Variants in MAGI1 observed in about 807,000 individuals in gnomAD.
The protein encoded by MAGI1 is membrane-associated guanylate kinase, WW and PDZ domain-containing protein 1.
MAGI1 carries 58 observed loss-of-function variants against 139.9 expected under a neutral mutation model. That is an observed-to-expected ratio of 0.41 (90% CI 0.34 to 0.52). MAGI1 has a LOEUF of 0.52. Ranked by LOEUF, MAGI1 falls within the 20% of genes least tolerant of loss-of-function variation. The pLI is 0.12. For synonymous variants in MAGI1, 812 were observed against 737.9 expected (o/e 1.10, Z -1.63); for missense variants, 1,874 against 1,901.6 (o/e 0.99, Z 0.27).
Position 65,363,609 on chromosome 3 carries a change from C to A in MAGI1, c.3352-1G>T. On this transcript the variant is annotated splice_acceptor_variant, in intron 20 of 22. Coordinates refer to ENST00000402939, the MANE Select transcript of MAGI1 (RefSeq NM_001033057.2). LOFTEE classifies it high-confidence loss of function. ...GTTCCACAGTGTAAAAATCTTGCTCCTATTTAAAGAAATTAAATGCAATCA... is the reference window on the plus strand; with the variant it reads ...GTTCCACAGTGTAAAAATCTTGCTCATATTTAAAGAAATTAAATGCAATCA... 1 of 1,612,010 alleles carries A rather than the reference C, an allele frequency of 6.2e-7. No individual in the cohort carries two copies.
intron 2 of MAGI1, among the ~76,000 whole-genome samples, chr3:65,554,449 C>A (rs1332475734): frequency 6.6e-6 from 1 of 152,100 alleles, no homozygotes; most frequent in Non-Finnish European, 1.5e-5. Context: ...ACCAAGAAGA[C>A]CTTCTTACTT....
chr3:65,995,554 G>T (rs1353722049), intron 1 of MAGI1, among the ~76,000 whole-genome samples: 1 of 151,438 alleles, frequency 6.6e-6, no homozygotes, highest in African/African-American at 2.4e-5. Flanking sequence ...TTTTGAGAAA[G>T]AGATCAGATC....
intron 1 of MAGI1, among the ~76,000 whole-genome samples, chr3:65,755,731 G>A (rs2036516317): frequency 6.6e-6 from 1 of 152,070 alleles, no homozygotes. Flanking sequence ...CCACAATTGA[G>A]TAAGCCTAAA....
intron 7 of MAGI1, among the ~76,000 whole-genome samples, chr3:65,447,198 T>G (rs954572676): frequency 6.6e-6 from 1 of 152,248 alleles, no homozygotes; most frequent in African/African-American, 2.4e-5. Flanking sequence ...CTGAAACTTA[T>G]GCTTTCCTAT....
intron 2 of MAGI1, among the ~76,000 whole-genome samples, chr3:65,562,684 G>T (rs2080417331): frequency 6.6e-6 from 1 of 152,142 alleles, no homozygotes; most frequent in Non-Finnish European, 1.5e-5. Flanking sequence ...ACACAATATG[G>T]TAAACTTCCT....
chr3:65,656,634 T>A lies in MAGI1; in HGVS notation c.314-34546A>T, dbSNP rs1433761280. ...GAGGCGGATTTGAAGAAAGGCCACC[T>A]AACAAAGATGGGAATAAAGGATATT... On this transcript the variant is annotated intron_variant, in intron 1 of 22. Coordinates refer to ENST00000402939, the MANE Select transcript of MAGI1 (RefSeq NM_001033057.2). Among the ~76,000 whole-genome samples the A allele has an allele frequency of 2.0e-5, 3 of 152,028 alleles. No homozygotes were observed. In the East Asian group the frequency reaches 5.8e-4, roughly 29 times the overall value.
chr3:65,583,140 C>A (rs2081515339), intron 2 of MAGI1, among the ~76,000 whole-genome samples: 2 of 152,244 alleles, frequency 1.3e-5, no homozygotes, highest in African/African-American at 2.4e-5. Context: ...GTCCACTTTA[C>A]ACTGACCACG....
At chr3:66,010,396 T>C (rs1468074547) in intron 1 of MAGI1, among the ~76,000 whole-genome samples, 1 of 152,202 alleles carries the variant, frequency 6.6e-6, no homozygotes. Context: ...TTCCCCCTTA[T>C]TCTAGGTCTC....
chr3:65,375,748 C>T lies in MAGI1; in HGVS notation c.3193G>A (p.Asp1065Asn). 6.2e-7 allele frequency: 1 copy of T among 1,609,610 alleles called. No homozygotes were observed. ...NTVTLRIIPG[D>N]ESSNATLLTN... Reference sequence around the variant, plus strand: ...AGAGATAATAGGTATACTTTACCATCCCCAGGAATGATGCGGAGGGTAACT... The same window carrying T: ...AGAGATAATAGGTATACTTTACCATTCCCAGGAATGATGCGGAGGGTAACT... The change falls in exon 18 of 23, where the codon GAT (aspartate) becomes AAT (asparagine). Residue 1065 changes from aspartate to asparagine, a missense_variant. Transcript: ENST00000402939.
At chr3:65,509,844 G>A (rs979017873) in intron 2 of MAGI1, among the ~76,000 whole-genome samples, 8 of 152,102 alleles carry the variant, frequency 5.3e-5, no homozygotes, top group African/African-American at 1.9e-4. Context: ...CTCCACCTCT[G>A]GGGGCAGGGC....
chr3:65,581,148 G>C (rs1226130229), intron 2 of MAGI1, among the ~76,000 whole-genome samples: 2 of 152,070 alleles, frequency 1.3e-5, no homozygotes, highest in African/African-American at 4.8e-5. Flanking sequence ...CTGCATCCAA[G>C]TTTGACTCCC....
At chr3:65,662,785 A>G (rs1051082905) in intron 1 of MAGI1, among the ~76,000 whole-genome samples, 8 of 152,174 alleles carry the variant, frequency 5.3e-5, no homozygotes, top group African/African-American at 1.9e-4. Context: ...CATACTATAC[A>G]TTAGATTTCT....
At position 65,474,936 on chromosome 3, in the gene MAGI1, T is replaced by C. The variant is rs574306826; in HGVS notation, c.757+3656A>G. On this transcript the variant is annotated intron_variant, in intron 4 of 22. Transcript: ENST00000402939. ...GACAAGGTATTTGACCTCCCTGGTA[T>C]ATGCATAAAGAACTCAGCAAAGTGC... Among the ~76,000 whole-genome samples the C allele has an allele frequency of 8.4e-4, 128 of 152,282 alleles. 1 individual carries two copies. The highest frequency in any genetic ancestry group is 1.8e-3 in the Non-Finnish European group (120 of 68,026).
intron 1 of MAGI1, among the ~76,000 whole-genome samples, chr3:65,896,912 A>G (rs1575908805): frequency 6.6e-6 from 1 of 152,300 alleles, no homozygotes; most frequent in East Asian, 1.9e-4. Context: ...ATACAACTAG[A>G]ATAATACAAT....
At chr3:65,978,863 G>C (rs1272695740) in intron 1 of MAGI1, among the ~76,000 whole-genome samples, 1 of 151,972 alleles carries the variant, frequency 6.6e-6, no homozygotes, top group Non-Finnish European at 1.5e-5. Context: ...CTGACCTCAA[G>C]TGATCTGCCC....
At chr3:65,626,417 T>C (rs76148916) in intron 1 of MAGI1, among the ~76,000 whole-genome samples, 8,384 of 152,182 alleles carry the variant, frequency 0.055, 482 homozygotes, top group African/African-American at 0.14. Flanking sequence ...CTTGACCTTT[T>C]AGGCTCAAGC....
chr3:65,991,738 G>A (rs2066185406), intron 1 of MAGI1, among the ~76,000 whole-genome samples: 1 of 152,184 alleles, frequency 6.6e-6, no homozygotes, highest in Non-Finnish European at 1.5e-5. Flanking sequence ...ATCCAGGCCA[G>A]GCACGGTGGC....
chr3:65,532,191 C>A (rs1239506400), intron 2 of MAGI1, among the ~76,000 whole-genome samples: 1 of 152,192 alleles, frequency 6.6e-6, no homozygotes, highest in Non-Finnish European at 1.5e-5. Context: ...ACGTTCCAAT[C>A]ATTTCCTATT....
intron 1 of MAGI1, among the ~76,000 whole-genome samples, chr3:65,959,798 CTTTTTTTTTTTTT>C (rs33978400): frequency 1.7e-5 from 1 of 60,266 alleles, no homozygotes; most frequent in Non-Finnish European, 2.9e-5. Flanking sequence ...TAAATTCTCT[CTTTTTTTTTTTTT>C]TTTTTTTTTT....
Sources: gnomAD v4.1 joint callset for allele counts (sites outside exome capture counted in the v4.1 genomes callset) on GRCh38, gnomAD v4.1.1 for gene constraint, MANE v1.5 for transcripts, NCBI Gene and HGNC (gene_info 2026-07-23, HGNC 2026-07-21) for gene names.